Variants in OR10J1 observed in about 807,000 individuals in gnomAD.
OR10J1 encodes olfactory receptor 10J1.
For missense variants in OR10J1, 474 were observed against 376.6 expected, an observed-to-expected ratio of 1.26 and a Z score of -2.14; for synonymous variants, 202 against 143.8, an observed-to-expected ratio of 1.40 and a Z score of -2.89.
the OR10J1 span, chr1:159,405,910 A>G: frequency 1.8e-6 from 1 of 548,678 alleles, no homozygotes; most frequent in South Asian, 1.8e-5. Flanking sequence ...GACAATAGCC[A>G]TGCCCAGGCC....
At chr1:159,426,995 G>A in the OR10J1 span, among the ~76,000 whole-genome samples, 5 of 151,898 alleles carry the variant, frequency 3.3e-5, no homozygotes, top group Non-Finnish European at 2.9e-5. Context: ...GAAGCACAGA[G>A]AGACTGAGCA....
the OR10J1 span, among the ~76,000 whole-genome samples, chr1:159,423,190 C>T: frequency 1.3e-5 from 2 of 152,172 alleles, no homozygotes; most frequent in South Asian, 2.1e-4. Context: ...AGCCATGCTG[C>T]TTTTCTCCTA....
chr1:159,401,598 A>G, the OR10J1 span, among the ~76,000 whole-genome samples: 1 of 152,036 alleles, frequency 6.6e-6, no homozygotes, highest in Admixed American at 6.6e-5. Flanking sequence ...ATGAGATTGA[A>G]GCCATAACAA....
chr1:159,412,654 A>T, the OR10J1 span, among the ~76,000 whole-genome samples: 754 of 149,840 alleles, frequency 5.0e-3, 11 homozygotes, highest in African/African-American at 0.017. Context: ...CTGAAACTGG[A>T]TCCCTTCCTT....
chr1:159,429,468 C>T, the OR10J1 span, among the ~76,000 whole-genome samples: 4 of 152,164 alleles, frequency 2.6e-5, no homozygotes, highest in Admixed American at 6.5e-5. Flanking sequence ...CCCCATAATG[C>T]GATCATGAGG....
the OR10J1 span, among the ~76,000 whole-genome samples, chr1:159,424,256 A>AAT: frequency 6.6e-6 from 1 of 151,670 alleles, no homozygotes; most frequent in African/African-American, 2.4e-5. Flanking sequence ...AAACAGAAAA[A>AAT]ATTTAAAAGT....
At chr1:159,404,205 G>T in the OR10J1 span, among the ~76,000 whole-genome samples, 2 of 152,064 alleles carry the variant, frequency 1.3e-5, no homozygotes, top group East Asian at 1.9e-4. Context: ...AGCACAACAG[G>T]ATGACTATAG....
At chr1:159,405,908 C>A in the OR10J1 span, 2 of 552,584 alleles carry the variant, frequency 3.6e-6, no homozygotes, top group Non-Finnish European at 6.8e-6. Context: ...TGGACAATAG[C>A]CATGCCCAGG....
chr1:159,410,201 T>A, the OR10J1 span, among the ~76,000 whole-genome samples: 10 of 152,200 alleles, frequency 6.6e-5, no homozygotes, highest in Non-Finnish European at 1.5e-5. Context: ...ATCAGGATGA[T>A]GCTGGCCTCA....
At chr1:159,427,760 T>C in the OR10J1 span, among the ~76,000 whole-genome samples, 1 of 152,150 alleles carries the variant, frequency 6.6e-6, no homozygotes, top group Non-Finnish European at 1.5e-5. Context: ...AAACCTTTCA[T>C]ACCAAAAATA....
At chr1:159,423,636 A>G in the OR10J1 span, among the ~76,000 whole-genome samples, 1 of 152,172 alleles carries the variant, frequency 6.6e-6, no homozygotes. Flanking sequence ...GACAATGAGG[A>G]GATTAAGAAA....
At chr1:159,411,405 A>C in the OR10J1 span, among the ~76,000 whole-genome samples, 11 of 152,166 alleles carry the variant, frequency 7.2e-5, no homozygotes, top group Non-Finnish European at 1.6e-4. Flanking sequence ...ATATATATTT[A>C]GGATAGTTAG....
At chr1:159,432,880 C>T (rs1655614278), upstream of OR10J1, 2 of 417,576 alleles carry the variant, frequency 4.8e-6, no homozygotes. Flanking sequence ...TCACCACCAT[C>T]CTCAAGATTG....
At chr1:159,413,658 G>A in the OR10J1 span, among the ~76,000 whole-genome samples, 4 of 146,010 alleles carry the variant, frequency 2.7e-5, no homozygotes. Flanking sequence ...ATGGACACAG[G>A]AAGGGGAACA....
chr1:159,418,229 T>TA, the OR10J1 span, among the ~76,000 whole-genome samples: 1 of 152,188 alleles, frequency 6.6e-6, no homozygotes, highest in Non-Finnish European at 1.5e-5. Context: ...AGCCAAATGT[T>TA]AATTGCCAAG....
Position 159,440,675 on chromosome 1 carries a change from A to T in OR10J1, c.884A>T (p.Glu295Val). ...NPVVYTLRNK[E>V]VKDALCRAVG... ...GTGGTATACACCCTGAGAAATAAAG[A>T]GGTCAAAGATGCTCTGTGCAGGGCT... is the stretch of plus-strand genomic sequence containing the variant. Residue 295 changes from glutamate to valine, a missense_variant, in exon 1 of 1, where the codon GAG becomes GTG. Transcript: ENST00000423932. The T allele has an allele frequency of 6.2e-7, 1 of 1,614,006 alleles. No homozygotes were observed. Among genetic ancestry groups the T allele is most frequent in the Non-Finnish European group, 8.5e-7 (1 of 1,179,976 alleles).
At chr1:159,424,505 G>C in the OR10J1 span, among the ~76,000 whole-genome samples, 1,935 of 150,370 alleles carry the variant, frequency 0.013, 32 homozygotes, top group Non-Finnish European at 0.018. Flanking sequence ...ATACATGTAT[G>C]TGTGTGTATA....
At chr1:159,416,048 A>G in the OR10J1 span, among the ~76,000 whole-genome samples, 1 of 151,902 alleles carries the variant, frequency 6.6e-6, no homozygotes, top group Admixed American at 6.6e-5. Flanking sequence ...TTACAACTTT[A>G]CTAAATTTAT....
the OR10J1 span, chr1:159,432,681 C>G: frequency 2.4e-6 from 1 of 414,618 alleles, no homozygotes; most frequent in East Asian, 3.5e-5. Context: ...AGCTATCATT[C>G]AGGTGTCTTC....
Sources: gnomAD v4.1 joint callset for allele counts (sites outside exome capture counted in the v4.1 genomes callset) on GRCh38, gnomAD v4.1.1 for gene constraint, MANE v1.5 for transcripts, NCBI Gene and HGNC (gene_info 2026-07-23, HGNC 2026-07-21) for gene names.